Variants in NDUFAF6 observed in about 807,000 individuals in gnomAD.
The protein encoded by NDUFAF6 is NADH dehydrogenase (ubiquinone) complex I, assembly factor 6.
NDUFAF6 carries 45 observed loss-of-function variants against 40.8 expected under a neutral mutation model. That is an observed-to-expected ratio of 1.10 (90% CI 0.87 to 1.42). The LOEUF is 1.42. Among genes scored for constraint, NDUFAF6 ranks in the 40% most tolerant of loss-of-function variants. The pLI, the probability that NDUFAF6 is intolerant of heterozygous loss-of-function variation, is 0.00. For synonymous variants in NDUFAF6, 185 were observed against 155.9 expected, an observed-to-expected ratio of 1.19 and a Z score of -1.39; for missense variants, 435 against 418.5, an observed-to-expected ratio of 1.04 and a Z score of -0.34.
intron 2 of NDUFAF6, among the ~76,000 whole-genome samples, chr8:94,992,563 TAA>T (rs1447553034): frequency 6.6e-6 from 1 of 152,222 alleles, no homozygotes; most frequent in Non-Finnish European, 1.5e-5. Flanking sequence ...GGTAAGAATT[TAA>T]AGTGTCCCTT....
intron 2 of NDUFAF6, among the ~76,000 whole-genome samples, chr8:94,986,772 T>A (rs548237289): frequency 1.2e-4 from 18 of 152,356 alleles, no homozygotes; most frequent in African/African-American, 4.1e-4. Context: ...TGTGACATGA[T>A]GATTCTATTC....
downstream of NDUFAF6, among the ~76,000 whole-genome samples, chr8:95,107,394 T>C (rs1406988757): frequency 1.3e-5 from 2 of 151,938 alleles, no homozygotes; most frequent in African/African-American, 4.8e-5. Flanking sequence ...AACCAAACAA[T>C]GCATGTTCTC....
chr8:95,068,829 A>G (rs1305206044), intron 9 of NDUFAF6: 3 of 151,668 alleles, frequency 2.0e-5, no homozygotes, highest in Non-Finnish European at 4.4e-5. Context: ...TTCTGTGCAA[A>G]TGGGGTTCCA....
rs190158314 is a variant in NDUFAF6 at position 95,027,210 on chromosome 8, C to G, written c.197+2005C>G. Among the ~76,000 whole-genome samples the G allele has an allele frequency of 5.1e-4, 78 of 152,222 alleles. 1 individual carries two copies. The highest frequency in any genetic ancestry group is 4.6e-3 in the Admixed American group (70 of 15,288). ...GGCTCTTGACTCTAGTGACTTATTT[C>G]AAATGCTGAATTTTGCAGGCAGACC... On this transcript the variant is annotated intron_variant, in intron 1 of 8. Coordinates refer to ENST00000396124, the MANE Select transcript of NDUFAF6 (RefSeq NM_152416.4).
upstream of NDUFAF6, among the ~76,000 whole-genome samples, chr8:95,099,475 T>C (rs1159213369): frequency 6.6e-6 from 1 of 151,828 alleles, no homozygotes; most frequent in African/African-American, 2.4e-5. Context: ...AGAGTTCTTA[T>C]ACCAGGCATG....
chr8:94,924,382 C>G (rs890578988), intron 1 of NDUFAF6, among the ~76,000 whole-genome samples: 2 of 152,172 alleles, frequency 1.3e-5, no homozygotes, highest in Non-Finnish European at 2.9e-5. Flanking sequence ...TTTAAAAAAG[C>G]TGCATTGACC....
At chr8:94,915,542 T>C (rs771080836) in intron 1 of NDUFAF6, among the ~76,000 whole-genome samples, 3 of 152,216 alleles carry the variant, frequency 2.0e-5, no homozygotes, top group Non-Finnish European at 2.9e-5. Flanking sequence ...CGAGTGCAGG[T>C]GTTGTTTTGG....
In NDUFAF6 at chr8:94,963,114, G is replaced by GA. The variant is rs1167563684; in HGVS notation, c.-199+4944dup. On this transcript the variant is annotated intron_variant, in intron 1 of 9. Transcript: ENST00000396111. ...CTGGCCCAAACTCCTTTTCGTGTGA[G>GA]AAAAAAAAATCACTAACTATTAAAT... 3.2e-4 allele frequency among the ~76,000 whole-genome samples: 49 copies of GA among 151,098 alleles called. 1 individual carries two copies. The highest frequency in any genetic ancestry group is 2.3e-3 in the Admixed American group (35 of 15,176).
intron 9 of NDUFAF6, chr8:95,072,620 C>G (rs1224783518): frequency 6.6e-6 from 1 of 152,340 alleles, no homozygotes; most frequent in African/African-American, 2.4e-5. Flanking sequence ...TTTTCTAGAT[C>G]TCTCCAAGAC....
At chr8:95,007,659 GTTTTTTTTTT>G (rs553474402) in intron 2 of NDUFAF6, among the ~76,000 whole-genome samples, 6 of 103,788 alleles carry the variant, frequency 5.8e-5, no homozygotes, top group Non-Finnish European at 9.6e-5. Flanking sequence ...GTGAGGCTCT[GTTTTTTTTTT>G]TTTTTTTTTT....
At chr8:95,050,934 A>C (rs1484775762) in intron 7 of NDUFAF6, among the ~76,000 whole-genome samples, 2 of 152,230 alleles carry the variant, frequency 1.3e-5, no homozygotes, top group Admixed American at 1.3e-4. Flanking sequence ...CAAGTATGGC[A>C]CTTTGATGGT....
At chr8:94,999,141 T>G (rs1340646160) in intron 2 of NDUFAF6, among the ~76,000 whole-genome samples, 3 of 149,884 alleles carry the variant, frequency 2.0e-5, no homozygotes, top group East Asian at 3.9e-4. Context: ...TTTTTTTTTT[T>G]GAAGACAGAG....
intron 2 of NDUFAF6, among the ~76,000 whole-genome samples, chr8:95,000,619 A>G (rs1324819913): frequency 3.3e-5 from 5 of 151,108 alleles, no homozygotes; most frequent in Non-Finnish European, 5.9e-5. Context: ...ATAAAAAAGT[A>G]TAACATAGTA....
chr8:94,987,058 T>A (rs760589790), intron 2 of NDUFAF6, among the ~76,000 whole-genome samples: 1 of 152,248 alleles, frequency 6.6e-6, no homozygotes, highest in Non-Finnish European at 1.5e-5. Flanking sequence ...CTGATATCCT[T>A]GAATCCCCAT....
At chr8:95,084,979 C>T (rs1472742143) in intron 2 of NDUFAF6, among the ~76,000 whole-genome samples, 1 of 152,212 alleles carries the variant, frequency 6.6e-6, no homozygotes, top group Non-Finnish European at 1.5e-5. Flanking sequence ...CTAAAAACAT[C>T]ATTGGCCTGA....
At chr8:95,026,093 T>C (rs1172724504) in intron 1 of NDUFAF6, among the ~76,000 whole-genome samples, 3 of 152,210 alleles carry the variant, frequency 2.0e-5, no homozygotes, top group Non-Finnish European at 4.4e-5. Flanking sequence ...TAAAACCGTT[T>C]TTTTTTTAAT....
downstream of NDUFAF6, among the ~76,000 whole-genome samples, chr8:95,108,026 TACCATAGA>T (rs1262914881): frequency 6.6e-6 from 1 of 152,202 alleles, no homozygotes; most frequent in Non-Finnish European, 1.5e-5. Context: ...TTAGGATGGC[TACCATAGA>T]AAAACAACAA....
At chr8:95,091,807 ATT>A (rs11326080) in intron 2 of NDUFAF6, among the ~76,000 whole-genome samples, 81 of 132,942 alleles carry the variant, frequency 6.1e-4, no homozygotes, top group Admixed American at 9.0e-4. Flanking sequence ...CCCCTGGCTA[ATT>A]TTTTTTTTTT....
chr8:95,078,715 C>T (rs1432559694), downstream of NDUFAF6: 1 of 150,760 alleles, frequency 6.6e-6, no homozygotes, highest in Non-Finnish European at 1.5e-5. Context: ...GCCTTCCCCT[C>T]TTCCCCAGAA....
Sources: allele counts gnomAD v4.1 joint callset (sites outside exome capture counted in the v4.1 genomes callset), GRCh38; gene constraint gnomAD v4.1.1; transcripts MANE v1.5; gene names NCBI Gene and HGNC (gene_info 2026-07-23, HGNC 2026-07-21).